Variants in TUBB1 observed in about 807,000 individuals in gnomAD.
TUBB1 encodes the protein tubulin beta 1 class VI.
Under a neutral mutation model 22.6 loss-of-function variants are expected in TUBB1, and 28 were observed. The ratio of observed to expected loss-of-function variants is 1.24; its 90% confidence interval spans 0.92 to 1.70. TUBB1 has a LOEUF of 1.70. Ranked by LOEUF, TUBB1 falls within the 40% of genes most tolerant of loss-of-function variation. The probability of loss-of-function intolerance (pLI) is 0.00; values close to 1 mark genes in which losing one functional copy is unlikely to be tolerated. For missense variants in TUBB1, 577 were observed against 605.5 expected (o/e 0.95, Z 0.49); for synonymous variants, 226 against 238.0 (o/e 0.95, Z 0.46).
intron 1 of TUBB1, among the ~76,000 whole-genome samples, chr20:59,021,112 C>T (rs893738056): frequency 6.6e-6 from 1 of 152,186 alleles, no homozygotes; most frequent in Admixed American, 6.5e-5. Context: ...CACCATTCCT[C>T]CATGCCTCAG....
chr20:59,018,800 C>T (rs2146372437), upstream of TUBB1, among the ~76,000 whole-genome samples: 1 of 152,356 alleles, frequency 6.6e-6, no homozygotes, highest in Non-Finnish European at 1.5e-5. Context: ...CCCCAGACAC[C>T]ATGAGCTGAG....
intron 1 of TUBB1, among the ~76,000 whole-genome samples, 165 bp downstream of exon 1, chr20:59,019,744 C>A (rs903546786): frequency 6.6e-6 from 1 of 152,080 alleles, no homozygotes; most frequent in African/African-American, 2.4e-5. Flanking sequence ...AAAAAAATTT[C>A]ACATGGGAAA....
At chr20:59,023,016 C>A (rs1052200943) in intron 2 of TUBB1, 63 bp downstream of exon 2, 1 of 1,403,920 alleles carries the variant, frequency 7.1e-7, no homozygotes, top group African/African-American at 1.4e-5. Flanking sequence ...AGAGGAAGGG[C>A]AGAGGCCCAG....
chr20:59,021,165 G>A (rs1036998782), intron 1 of TUBB1, among the ~76,000 whole-genome samples: 1 of 152,222 alleles, frequency 6.6e-6, no homozygotes, highest in Non-Finnish European at 1.5e-5. Flanking sequence ...GTGGGAGGCA[G>A]GAGCCCTGCT....
chr20:59,026,304 T>A lies in TUBB1; in HGVS notation c.*1521T>A, dbSNP rs193227473. The A allele has an allele frequency of 2.0e-5, 3 of 152,236 alleles. No individual in the cohort carries two copies. Among genetic ancestry groups the A allele is most frequent in the African/African-American group, 7.2e-5 (3 of 41,470 alleles). The allele number at this position is 152,236 out of a possible 1,614,324, so 9.4% of individuals were successfully genotyped here. A position where few individuals can be genotyped will look rare whatever the true frequency, so the allele number is the denominator to read the frequency against. ...TTCAAAAAACACAAAACAACATTCA[T>A]GTTTTAAATGCTTTCTACTTGTGGT... On this transcript the variant is annotated 3_prime_UTR_variant, in exon 4 of 4. Coordinates refer to ENST00000217133, the MANE Select transcript of TUBB1 (RefSeq NM_030773.4).
chr20:59,019,589 G>C lies in TUBB1; in HGVS notation c.57+10G>C. 1.2e-6 allele frequency: 2 copies of C among 1,614,112 alleles called. No homozygotes were observed. Among genetic ancestry groups the C allele is most frequent in the Non-Finnish European group, 1.7e-6 (2 of 1,179,940 alleles). On this transcript the variant is annotated intron_variant, in intron 1 of 3. Coordinates refer to ENST00000217133, the MANE Select transcript of TUBB1 (RefSeq NM_030773.4). ...CCAGATCGGAGCCAAGGTAAGTAAT[G>C]TCTGGTTACTAATCCTAGCTTTACC...
Position 59,023,613 on chromosome 20 carries a change from A to G in TUBB1, c.277+13A>G. The G allele has an allele frequency of 6.2e-7, 1 of 1,614,118 alleles. No individual in the cohort carries two copies. Among genetic ancestry groups the G allele is most frequent in the South Asian group, 1.1e-5 (1 of 91,076 alleles). ...AGTTTTGTCCATGGTATGTTTTTCC[A>G]GAAGGTTCCACCAGGAGGAGGGGGG... On this transcript the variant is annotated intron_variant, in intron 3 of 3. Coordinates refer to ENST00000217133, the MANE Select transcript of TUBB1 (RefSeq NM_030773.4).
intron 1 of TUBB1, 99 bp from the exon 2 acceptor site, chr20:59,022,746 G>A (rs1398482104): frequency 1.8e-6 from 2 of 1,088,872 alleles, no homozygotes; most frequent in Non-Finnish European, 2.8e-6. Flanking sequence ...GGGAGGGTCA[G>A]GCAACCAGAG....
chr20:59,024,623 C>G lies in TUBB1; in HGVS notation c.1196C>G (p.Thr399Ser), dbSNP rs1436373707. 2 of 1,614,026 alleles carry G rather than the reference C, an allele frequency of 1.2e-6. No homozygotes were observed. The highest frequency in any genetic ancestry group is 2.7e-5 in the African/African-American group (2 of 74,900). Residue 399 changes from threonine to serine, a missense_variant, in exon 4 of 4, where the codon ACC becomes AGC. Thr to Ser is a moderately conservative substitution (Grantham distance 58). Transcript: ENST00000217133. The surrounding 1 kb of genome is among the most constrained non-coding windows in gnomAD (Gnocchi z 4.9). The part of the protein sequence containing the change: ...FKRKAFVHWY[T>S]SEGMDINEFG... ...AGGAAAGCTTTTGTGCACTGGTACA[C>G]CAGCGAAGGGATGGACATAAACGAA...
intron 1 of TUBB1, 152 bp from the exon 2 acceptor site, chr20:59,022,693 G>T (rs1272057774): frequency 1.4e-6 from 1 of 720,348 alleles, no homozygotes; most frequent in Non-Finnish European, 2.5e-6. Flanking sequence ...AAAAGCGAAT[G>T]ATGCCATGGT....
Position 59,024,178 on chromosome 20 carries a change from C to G in TUBB1, c.751C>G (p.Arg251Gly). 1 of 1,614,200 alleles carries G rather than the reference C, an allele frequency of 6.2e-7. No individual in the cohort carries two copies. The highest frequency in any genetic ancestry group is 8.5e-7 in the Non-Finnish European group (1 of 1,180,048). Residue 251 changes from arginine to glycine, a missense_variant, in exon 4 of 4, where the codon CGC (arginine) becomes GGC (glycine). Coordinates refer to ENST00000217133, the MANE Select transcript of TUBB1 (RefSeq NM_030773.4). The surrounding 1 kb of genome is among the most constrained non-coding windows in gnomAD (Gnocchi z 4.9). ...RFPGQLNADLRKLAVNMVPFP... is the reference protein window; with the variant it reads ...RFPGQLNADLGKLAVNMVPFP... ...CCCGGGTCAGCTCAACGCAGACCTGCGCAAGCTGGCGGTGAACATGGTCCC... is the reference window on the plus strand; with the variant it reads ...CCCGGGTCAGCTCAACGCAGACCTGGGCAAGCTGGCGGTGAACATGGTCCC...
At chr20:59,020,767 C>G (rs1390873102) in intron 1 of TUBB1, among the ~76,000 whole-genome samples, 1 of 151,152 alleles carries the variant, frequency 6.6e-6, no homozygotes, top group African/African-American at 2.4e-5. Flanking sequence ...TTCCCTTGCC[C>G]CCCTGCTTAA....
At chr20:59,022,802 C>A in intron 1 of TUBB1, 43 bp from the exon 2 acceptor site, 1 of 1,583,418 alleles carries the variant, frequency 6.3e-7, no homozygotes, top group Non-Finnish European at 8.7e-7. Flanking sequence ...TTAACACAGC[C>A]TTTTTCGGGG....
chr20:59,023,851 G>A lies in TUBB1; in HGVS notation c.424G>A (p.Gly142Ser), dbSNP rs781090163. The change falls in exon 4 of 4, where the codon GGC becomes AGC. Residue 142 changes from glycine (G) to serine (S), a missense_variant. Gly to Ser is a moderately conservative substitution (Grantham distance 56). Transcript: ENST00000217133. ...GFQIVHSLGG[G>S]TGSGMGTLLM... ...CCAGATCGTCCACTCCCTGGGCGGG[G>A]GCACAGGCTCCGGGATGGGCACTCT... 1 of 1,614,024 alleles carries A rather than the reference G, an allele frequency of 6.2e-7. No homozygotes were observed. Among genetic ancestry groups the A allele is most frequent in the Non-Finnish European group, 8.5e-7 (1 of 1,180,014 alleles).
upstream of TUBB1, chr20:59,019,279 GA>G (rs2091957305): frequency 3.4e-6 from 2 of 589,886 alleles, no homozygotes; most frequent in East Asian, 2.9e-5. Context: ...GTTGAGGGAG[GA>G]AAAACACTCC....
In TUBB1 at chr20:59,023,594, G is replaced by A; in HGVS notation, c.271G>A (p.Val91Ile). ...AGCTCTCTTTCAACCCGACAGTTTT[G>A]TCCATGGTATGTTTTTCCAGAAGGT... ...LGALFQPDSF[V>I]HGNSGAGNNW... The change falls in exon 3 of 4, where the codon GTC becomes ATC. Residue 91 changes from valine (V) to isoleucine (I), a missense_variant. Val to Ile is a conservative substitution (Grantham distance 29). Coordinates refer to ENST00000217133, the MANE Select transcript of TUBB1 (RefSeq NM_030773.4). 1 of 1,614,126 alleles carries A rather than the reference G, an allele frequency of 6.2e-7. No homozygotes were observed. Among genetic ancestry groups the A allele is most frequent in the Non-Finnish European group, 8.5e-7 (1 of 1,180,028 alleles).
In TUBB1 at chr20:59,024,749, A is replaced by C. The variant is rs200032740; in HGVS notation, c.1322A>C (p.Glu441Ala). The C allele has an allele frequency of 7.1e-5, 115 of 1,614,034 alleles. 1 individual carries two copies. The Admixed American group carries it at 8.5e-4, about 12-fold the overall frequency. ...GAGGAAGATGAAGAGGTCACGGAGG[A>C]GGCAGAAATGGAGCCAGAAGATAAG... is the stretch of plus-strand genomic sequence containing the variant. ...VLEEDEEVTE[E>A]AEMEPEDKGH Residue 441 changes from glutamate to alanine, a missense_variant, in exon 4 of 4, where the codon GAG becomes GCG. Transcript: ENST00000217133. The surrounding 1 kb of genome is among the most constrained non-coding windows in gnomAD (Gnocchi z 4.9).
Position 59,026,402 on chromosome 20 carries a change from TA to T in TUBB1, c.*1622del, listed in dbSNP as rs1483959907. 1 of 152,228 alleles carries T rather than the reference TA, an allele frequency of 6.6e-6. No individual in the cohort carries two copies. The highest frequency in any genetic ancestry group is 1.9e-4 in the East Asian group (1 of 5,202). The allele number at this position is 152,228 out of a possible 1,614,324, so 9.4% of individuals were successfully genotyped here. A position where few individuals can be genotyped will look rare whatever the true frequency, so the allele number is the denominator to read the frequency against. On this transcript the variant is annotated 3_prime_UTR_variant, in exon 4 of 4. Transcript: ENST00000217133. ...TGAAGTTAGTAACTTCCTGAGATGC[TA>T]AAGACTTACAGCCTGCGATTATACA...
intron 1 of TUBB1, among the ~76,000 whole-genome samples, chr20:59,022,420 T>C (rs1484235127): frequency 6.6e-6 from 1 of 151,766 alleles, no homozygotes; most frequent in Non-Finnish European, 1.5e-5. Context: ...CAAAGTGAAA[T>C]GAGTTATTAC....
Sources: allele counts gnomAD v4.1 joint callset (sites outside exome capture counted in the v4.1 genomes callset), GRCh38; gene constraint gnomAD v4.1.1; non-coding constraint Gnocchi (gnomAD v3.1); transcripts MANE v1.5; gene names NCBI Gene and HGNC (gene_info 2026-07-23, HGNC 2026-07-21).